Variants in TRIT1 observed in about 807,000 individuals in gnomAD.
TRIT1 encodes the protein tRNA dimethylallyltransferase.
A neutral mutation model predicts 51.2 loss-of-function variants in TRIT1; 43 were observed. The observed-to-expected ratio is 0.84, with a 90% confidence interval of 0.66 to 1.08. The LOEUF (loss-of-function observed/expected upper bound fraction) is 1.08, where lower values mean the gene tolerates loss of function less well. TRIT1 is among the 50% of genes least tolerant of loss of function. The pLI, the probability that TRIT1 is intolerant of heterozygous loss-of-function variation, is 0.00. For missense variants in TRIT1, 528 were observed against 578.4 expected (o/e 0.91, Z 0.89); for synonymous variants, 184 against 203.9 (o/e 0.90, Z 0.83).
chr1:39,850,364 CCT>C, intron 4 of TRIT1, 103 bp from the exon 5 acceptor site: 1 of 1,434,950 alleles, frequency 7.0e-7, no homozygotes, highest in Non-Finnish European at 9.4e-7. Flanking sequence ...TTACAGAAAG[CCT>C]CTTTCTTGAA....
intron 1 of TRIT1, among the ~76,000 whole-genome samples, chr1:39,858,770 G>A (rs1643047248): frequency 1.3e-5 from 2 of 152,102 alleles, no homozygotes; most frequent in Non-Finnish European, 2.9e-5. Flanking sequence ...CATAAGGAAA[G>A]CATCAACTCT....
chr1:39,872,859 AG>A (rs1402203173), intron 1 of TRIT1, among the ~76,000 whole-genome samples: 1 of 151,432 alleles, frequency 6.6e-6, no homozygotes, highest in African/African-American at 2.4e-5. Context: ...AGGGAGGGGA[AG>A]GAAAAGGAAG....
intron 7 of TRIT1, 30 bp from the exon 8 acceptor site, chr1:39,847,327 T>C: frequency 1.2e-6 from 2 of 1,604,358 alleles, no homozygotes; most frequent in Non-Finnish European, 1.7e-6. Flanking sequence ...TAAGAACATC[T>C]AGGTAAGCAC....
At chr1:39,863,573 T>A (rs1643366760) in intron 1 of TRIT1, among the ~76,000 whole-genome samples, 1 of 152,126 alleles carries the variant, frequency 6.6e-6, no homozygotes, top group African/African-American at 2.4e-5. Context: ...GTTCTAGGCA[T>A]TAAATTGGGC....
chr1:39,875,377 A>G (rs1644016173), intron 1 of TRIT1, among the ~76,000 whole-genome samples: 1 of 151,960 alleles, frequency 6.6e-6, no homozygotes, highest in African/African-American at 2.4e-5. Context: ...AATCCCAGCT[A>G]CTCAGGAGGC....
rs186350870 is a variant in TRIT1 at position 39,868,622 on chromosome 1, C to T, written c.175-11205G>A. Among the ~76,000 whole-genome samples, 8 of 138,488 alleles carry T rather than the reference C, an allele frequency of 5.8e-5. No individual in the cohort carries two copies. The East Asian group carries it at 6.5e-4, about 11-fold the overall frequency. The allele number at this position is 138,488 out of a possible 152,430, so 90.9% of individuals were successfully genotyped here. On this transcript the variant is annotated intron_variant, in intron 1 of 10. Transcript: ENST00000316891. ...TCGCGCCATTGCACTCCAGCCTGGG[C>T]GACAAAAGCAAAACTTCCTCTCAAA...
In TRIT1 at chr1:39,839,332, A is replaced by G. The variant is rs549086075; in HGVS notation, c.*2412T>C. On this transcript the variant is annotated 3_prime_UTR_variant, in exon 11 of 11. Coordinates refer to ENST00000316891, the MANE Select transcript of TRIT1 (RefSeq NM_017646.6). ...AATGAGATTTGGTATGAGATTTAGT[A>G]ATAGAGTAAGAAAGGTGATCTAAGG... Among the ~76,000 whole-genome samples, 1 of 152,318 alleles carries G rather than the reference A, an allele frequency of 6.6e-6. No homozygotes were observed. The highest frequency in any genetic ancestry group is 2.1e-4 in the South Asian group (1 of 4,820).
At position 39,840,360 on chromosome 1, in the gene TRIT1, AAGTC is replaced by A. The variant is rs1005842352; in HGVS notation, c.*1380_*1383del. ...TTTTTACTCTACCTTCTCCTCTATG[AAGTC>A]TTATATGCATAGGAAACAAAACATT... On this transcript the variant is annotated 3_prime_UTR_variant, in exon 11 of 11. Transcript: ENST00000316891. 9.0e-4 allele frequency among the ~76,000 whole-genome samples: 137 copies of A among 152,350 alleles called. 1 individual carries two copies. Among genetic ancestry groups the A allele is most frequent in the African/African-American group, 3.2e-3 (131 of 41,570 alleles).
At chr1:39,855,726 G>C (rs1444067376) in intron 2 of TRIT1, among the ~76,000 whole-genome samples, 2 of 152,204 alleles carry the variant, frequency 1.3e-5, no homozygotes, top group East Asian at 3.8e-4. Context: ...GATTCCAGAA[G>C]AGGAGAGAGT....
intron 1 of TRIT1, chr1:39,881,429 T>A (rs1644263149): frequency 6.6e-6 from 1 of 152,332 alleles, no homozygotes; most frequent in East Asian, 1.9e-4. Flanking sequence ...GAATGTTCCT[T>A]ACACACTGCC....
intron 1 of TRIT1, among the ~76,000 whole-genome samples, chr1:39,857,696 C>T (rs1336101707): frequency 2.0e-5 from 3 of 152,144 alleles, no homozygotes; most frequent in Non-Finnish European, 2.9e-5. Flanking sequence ...TTAGTAAAAA[C>T]GAATTCTGCA....
At chr1:39,852,979 A>C (rs1157130543) in intron 3 of TRIT1, 103 bp from the exon 4 acceptor site, 6 of 1,299,684 alleles carry the variant, frequency 4.6e-6, no homozygotes, top group Non-Finnish European at 6.4e-6. Flanking sequence ...TAATCAGAAG[A>C]TCTTGCCATA....
chr1:39,846,505 T>A (rs1642233358), intron 8 of TRIT1, among the ~76,000 whole-genome samples: 1 of 152,226 alleles, frequency 6.6e-6, no homozygotes, highest in South Asian at 2.1e-4. Flanking sequence ...CTAAAGGAAG[T>A]AAGAGTAGTA....
At chr1:39,852,317 A>G (rs1370103433) in intron 4 of TRIT1, among the ~76,000 whole-genome samples, 2 of 152,162 alleles carry the variant, frequency 1.3e-5, no homozygotes, top group Non-Finnish European at 2.9e-5. Context: ...GATCTGTGAG[A>G]CAGTTAATAA....
intron 1 of TRIT1, 41 bp downstream of exon 1, chr1:39,883,277 T>G (rs1415690391): frequency 6.4e-7 from 1 of 1,573,388 alleles, no homozygotes; most frequent in Non-Finnish European, 8.6e-7. Context: ...CCACGCGGCC[T>G]CCGGGGTCCC....
chr1:39,874,108 C>A (rs1344253597), intron 1 of TRIT1, among the ~76,000 whole-genome samples: 2 of 152,176 alleles, frequency 1.3e-5, no homozygotes, highest in African/African-American at 4.8e-5. Flanking sequence ...AGTGGGACGA[C>A]TGCTTGAGCC....
intron 1 of TRIT1, among the ~76,000 whole-genome samples, chr1:39,880,188 A>AAC (rs1644209685): frequency 6.7e-6 from 1 of 149,620 alleles, no homozygotes; most frequent in Non-Finnish European, 1.5e-5. Flanking sequence ...CAACAACAAC[A>AAC]ACAACAAAAA....
intron 1 of TRIT1, among the ~76,000 whole-genome samples, chr1:39,874,153 G>C (rs538753975): frequency 1.3e-5 from 2 of 152,310 alleles, no homozygotes; most frequent in Admixed American, 1.3e-4. Context: ...AACACAGTAA[G>C]ACCGTGTCTC....
intron 1 of TRIT1, among the ~76,000 whole-genome samples, chr1:39,873,172 A>G (rs773357140): frequency 7.9e-5 from 12 of 152,224 alleles, no homozygotes; most frequent in Non-Finnish European, 1.6e-4. Flanking sequence ...AAAGAAAAAT[A>G]ACACAAAAAG....
Sources: gnomAD v4.1 joint callset for allele counts (sites outside exome capture counted in the v4.1 genomes callset) on GRCh38, gnomAD v4.1.1 for gene constraint, MANE v1.5 for transcripts, NCBI Gene and HGNC (gene_info 2026-07-23, HGNC 2026-07-21) for gene names.